Variants in CYP19A1 observed in about 807,000 individuals in gnomAD.
CYP19A1 encodes aromatase.
CYP19A1 carries 32 observed loss-of-function variants against 44.4 expected under a neutral mutation model. That is an observed-to-expected ratio of 0.72 (90% CI 0.54 to 0.97). The LOEUF is 0.97. Ranked by LOEUF, CYP19A1 falls within the 50% of genes least tolerant of loss-of-function variation. The pLI is 0.00. For synonymous variants in CYP19A1, 212 were observed against 215.6 expected (o/e 0.98, Z 0.14); for missense variants, 598 against 637.8 (o/e 0.94, Z 0.67).
chr15:51,332,310 C>G (rs1334881349), intron 1 of CYP19A1, among the ~76,000 whole-genome samples: 1 of 152,178 alleles, frequency 6.6e-6, no homozygotes, highest in Non-Finnish European at 1.5e-5. Flanking sequence ...TCCTGCTGTT[C>G]CTCCTCCCCC....
At chr15:51,228,018 T>C (rs548160872) in intron 3 of CYP19A1, 85 bp from the exon 4 acceptor site, 7 of 790,412 alleles carry the variant, frequency 8.9e-6, no homozygotes, top group Middle Eastern at 4.8e-4. Flanking sequence ...GTAGCTCTCT[T>C]AGCAAATGCA....
chr15:51,287,247 A>G (rs2035725714), intron 1 of CYP19A1, among the ~76,000 whole-genome samples: 2 of 152,218 alleles, frequency 1.3e-5, no homozygotes, highest in African/African-American at 4.8e-5. Context: ...AACAGTGGAA[A>G]ATATATCCTT....
rs2036145414 is a variant in CYP19A1, at chr15:51,302,959, G to A, written c.-39+35536C>T. On this transcript the variant is annotated intron_variant, in intron 1 of 9. Transcript: ENST00000396402. ...GAGGCTTGCAGGCATGGCTTGGGGA[G>A]GAGTAGGCTGTGAGGAGCTCAGGCT... Among the ~76,000 whole-genome samples the A allele has an allele frequency of 2.0e-5, 3 of 152,234 alleles. No homozygotes were observed. The South Asian group carries it at 6.2e-4, about 31-fold the overall frequency.
chr15:51,218,321 C>T, intron 6 of CYP19A1: 2 of 582,576 alleles, frequency 3.4e-6, no homozygotes, highest in Admixed American at 3.4e-5. Flanking sequence ...AGCCCCCTTG[C>T]CGAGAAGCTG....
rs74013202 is a variant in CYP19A1 at position 51,326,662 on chromosome 15, A to G, written c.-39+11833T>C. Among the ~76,000 whole-genome samples the G allele has an allele frequency of 2.8e-3, 429 of 152,320 alleles. 5 individuals carry two copies. Among genetic ancestry groups the G allele is most frequent in the African/African-American group, 9.7e-3 (402 of 41,572 alleles). On this transcript the variant is annotated intron_variant, in intron 1 of 9. Transcript: ENST00000396402. The stretch of plus-strand genomic sequence containing the variant: ...ATAGAATGGAGTTGTATAACAGAAA[A>G]TGTTCTTTTTTAAATTCATTGGCCA...
chr15:51,336,299 C>A (rs2036773662), intron 1 of CYP19A1, among the ~76,000 whole-genome samples: 1 of 152,150 alleles, frequency 6.6e-6, no homozygotes, highest in Non-Finnish European at 1.5e-5. Flanking sequence ...CAGTTCCTGG[C>A]AGATAGTAGG....
chr15:51,300,405 A>C (rs996748511), intron 1 of CYP19A1, among the ~76,000 whole-genome samples: 3 of 152,168 alleles, frequency 2.0e-5, no homozygotes, highest in Non-Finnish European at 4.4e-5. Flanking sequence ...TCAAGAAATC[A>C]CTTTGGTGCA....
At chr15:51,331,911 A>ATG (rs1305794040) in intron 1 of CYP19A1, among the ~76,000 whole-genome samples, 26 of 150,904 alleles carry the variant, frequency 1.7e-4, no homozygotes, top group East Asian at 5.9e-4. Context: ...TATTTCTTGT[A>ATG]TGTGTGTGTA....
rs548497163 is a variant in CYP19A1 at position 51,322,341 on chromosome 15, C to T, written c.-39+16154G>A. Among the ~76,000 whole-genome samples the T allele has an allele frequency of 3.9e-5, 6 of 152,358 alleles. No homozygotes were observed. The South Asian group carries it at 1.2e-3, about 32-fold the overall frequency. On this transcript the variant is annotated intron_variant, in intron 1 of 9. Coordinates refer to ENST00000396402, the MANE Select transcript of CYP19A1 (RefSeq NM_000103.4). The stretch of plus-strand genomic sequence containing the variant: ...GAGGCTTTCGCCTGAACTGTGCAAT[C>T]CTTACCTGATTGGGAAGTGCAAGTG...
At chr15:51,292,347 A>G (rs946491236) in intron 1 of CYP19A1, among the ~76,000 whole-genome samples, 2 of 152,198 alleles carry the variant, frequency 1.3e-5, no homozygotes, top group African/African-American at 4.8e-5. Flanking sequence ...TATAACCACC[A>G]CCAGCCTGCA....
At position 51,331,290 on chromosome 15, in the gene CYP19A1, C is replaced by A. The variant is rs111330917; in HGVS notation, c.-39+7205G>T. Among the ~76,000 whole-genome samples, 506 of 152,274 alleles carry A rather than the reference C, an allele frequency of 3.3e-3. 4 individuals are homozygous for A. The highest frequency in any genetic ancestry group is 0.012 in the African/African-American group (487 of 41,540). ...CGAGGCCTTCCTGCAGAGAGGCTGCCCCTGGAGAGCTGGAGCCACGTGAGA... is the reference window on the plus strand; with the variant it reads ...CGAGGCCTTCCTGCAGAGAGGCTGCACCTGGAGAGCTGGAGCCACGTGAGA... On this transcript the variant is annotated intron_variant, in intron 1 of 9. Coordinates refer to ENST00000396402, the MANE Select transcript of CYP19A1 (RefSeq NM_000103.4).
chr15:51,329,369 C>T (rs564219257), intron 1 of CYP19A1, among the ~76,000 whole-genome samples: 1 of 152,312 alleles, frequency 6.6e-6, no homozygotes, highest in South Asian at 2.1e-4. Flanking sequence ...ACTAAAAAGG[C>T]ACCCTCTGAG....
At chr15:51,274,307 G>A (rs2035229600) in intron 1 of CYP19A1, among the ~76,000 whole-genome samples, 1 of 152,166 alleles carries the variant, frequency 6.6e-6, no homozygotes, top group Non-Finnish European at 1.5e-5. Context: ...CTATTACTGG[G>A]CATTCTTTTC....
At chr15:51,307,031 G>T (rs2036228374) in intron 1 of CYP19A1, among the ~76,000 whole-genome samples, 1 of 152,268 alleles carries the variant, frequency 6.6e-6, no homozygotes, top group South Asian at 2.1e-4. Flanking sequence ...ACAACAGGAA[G>T]TAGGGGAGAT....
At chr15:51,221,724 G>A (rs959564) in intron 5 of CYP19A1, 9,336 of 152,862 alleles carry the variant, frequency 0.061, 444 homozygotes, top group Admixed American at 0.15. Flanking sequence ...ATCATAGTGC[G>A]GAAAGTAGTC....
At position 51,236,944 on chromosome 15, in the gene CYP19A1, C is replaced by T. The variant is rs764695319; in HGVS notation, c.211G>A (p.Gly71Ser). 9 of 1,614,058 alleles carry T rather than the reference C, an allele frequency of 5.6e-6. No individual in the cohort carries two copies. The highest frequency in any genetic ancestry group is 5.5e-5 in the South Asian group (5 of 91,084). Residue 71 changes from glycine to serine, a missense_variant, in exon 3 of 10, where the codon GGC becomes AGC. Gly to Ser is a moderately conservative substitution (Grantham distance 56). Coordinates refer to ENST00000396402, the MANE Select transcript of CYP19A1 (RefSeq NM_000103.4). Reference protein sequence around the residue: ...SHGRFLWMGIGSACNYYNRVY... With the variant: ...SHGRFLWMGISSACNYYNRVY... Reference sequence around the variant, plus strand: ...CGGTTGTAGTAGTTGCAGGCACTGCCGATCCCCATCCACAGGAATCTGCCG... The same window carrying T: ...CGGTTGTAGTAGTTGCAGGCACTGCTGATCCCCATCCACAGGAATCTGCCG...
At chr15:51,231,119 A>G (rs1004081856) in intron 3 of CYP19A1, among the ~76,000 whole-genome samples, 1 of 152,234 alleles carries the variant, frequency 6.6e-6, no homozygotes, top group Non-Finnish European at 1.5e-5. Flanking sequence ...CATCAGTGCT[A>G]GTGGGACAAC....
intron 3 of CYP19A1, among the ~76,000 whole-genome samples, chr15:51,232,867 T>C (rs1322487143): frequency 2.0e-5 from 3 of 152,238 alleles, no homozygotes; most frequent in Non-Finnish European, 4.4e-5. Context: ...ATGAGTCATA[T>C]GTGTCAGTCC....
At chr15:51,230,594 AT>A (rs1258838968) in intron 3 of CYP19A1, among the ~76,000 whole-genome samples, 2 of 151,040 alleles carry the variant, frequency 1.3e-5, no homozygotes, top group Non-Finnish European at 2.9e-5. Flanking sequence ...TGAGGAGGCA[AT>A]TAATGGACTA....
Sources: gnomAD v4.1 joint callset for allele counts (sites outside exome capture counted in the v4.1 genomes callset) on GRCh38, gnomAD v4.1.1 for gene constraint, MANE v1.5 for transcripts, NCBI Gene and HGNC (gene_info 2026-07-23, HGNC 2026-07-21) for gene names.